MICU3: variants seen among roughly 807,000 people sequenced by gnomAD.
MICU3 encodes the protein mitochondrial calcium uptake 3.
Under a neutral mutation model 66.5 loss-of-function variants are expected in MICU3, and 62 were observed. The observed-to-expected ratio is 0.93, with a 90% CI of 0.76 to 1.15. The LOEUF (loss-of-function observed/expected upper bound fraction) is 1.15, where lower values mean the gene tolerates loss of function less well. MICU3 is among the 50% of genes most tolerant of loss of function. The pLI is 0.00. For synonymous variants in MICU3, 308 were observed against 240.7 expected (o/e 1.28, Z -2.59); for missense variants, 779 against 664.4 (o/e 1.17, Z -1.90).
Position 17,064,068 on chromosome 8 carries a change from G to C in MICU3, c.382-16G>C. Reference sequence around the variant, plus strand: ...TACTTCACATCATCCAAATGTATTTGCTTTCTTAACTTTAGGTTGCTATTG... The same window carrying C: ...TACTTCACATCATCCAAATGTATTTCCTTTCTTAACTTTAGGTTGCTATTG... On this transcript the variant is annotated splice_polypyrimidine_tract_variant and intron_variant, in intron 1 of 14. Coordinates refer to ENST00000318063, the MANE Select transcript of MICU3 (RefSeq NM_181723.3). 2 of 1,600,208 alleles carry C rather than the reference G, an allele frequency of 1.2e-6. No individual in the cohort carries two copies. Among genetic ancestry groups the C allele is most frequent in the Non-Finnish European group, 1.7e-6 (2 of 1,172,556 alleles).
downstream of MICU3, among the ~76,000 whole-genome samples, chr8:17,126,295 C>G (rs1487119745): frequency 6.6e-6 from 1 of 152,038 alleles, no homozygotes; most frequent in Non-Finnish European, 1.5e-5. Flanking sequence ...TTTAAGTTCT[C>G]TATGGTCTAT....
chr8:17,096,979 G>GTGTC (rs1312773946), intron 8 of MICU3, among the ~76,000 whole-genome samples: 1 of 151,154 alleles, frequency 6.6e-6, no homozygotes, highest in Non-Finnish European at 1.5e-5. Flanking sequence ...GTGTGTGTGT[G>GTGTC]TGTGTGTGTG....
chr8:17,125,947 T>G (rs1276615516), downstream of MICU3, among the ~76,000 whole-genome samples: 3 of 151,344 alleles, frequency 2.0e-5, no homozygotes, highest in African/African-American at 7.3e-5. Context: ...GGAGAATCAC[T>G]TGAACCTGGG....
chr8:17,048,674 G>C (rs976411182), intron 1 of MICU3, among the ~76,000 whole-genome samples: 1 of 152,230 alleles, frequency 6.6e-6, no homozygotes, highest in East Asian at 1.9e-4. Context: ...GGAGTATGGT[G>C]GTGTGATCAC....
intron 8 of MICU3, among the ~76,000 whole-genome samples, chr8:17,095,489 G>T (rs1800576554): frequency 6.6e-6 from 1 of 151,844 alleles, no homozygotes; most frequent in South Asian, 2.1e-4. Context: ...GTGTGTGTTT[G>T]TCTGTGTTTA....
intron 1 of MICU3, among the ~76,000 whole-genome samples, chr8:17,041,400 A>G (rs1166465632): frequency 6.6e-6 from 1 of 152,208 alleles, no homozygotes; most frequent in African/African-American, 2.4e-5. Context: ...CAAAGTGTGC[A>G]TTGGATTTAG....
At chr8:17,116,016 G>C (rs1436326824) in intron 12 of MICU3, among the ~76,000 whole-genome samples, 1 of 152,012 alleles carries the variant, frequency 6.6e-6, no homozygotes, top group Non-Finnish European at 1.5e-5. Context: ...CCTTCTCCCT[G>C]CTCCACACTA....
intron 1 of MICU3, among the ~76,000 whole-genome samples, chr8:17,048,187 T>G (rs1169562127): frequency 6.6e-6 from 1 of 152,208 alleles, no homozygotes; most frequent in African/African-American, 2.4e-5. Flanking sequence ...AAAATATTAC[T>G]ACATTTCACT....
Position 17,074,590 on chromosome 8 carries a change from CGTGTGTGTGT to C in MICU3, c.568-3158_568-3149del, listed in dbSNP as rs35861279. 2.3e-3 allele frequency among the ~76,000 whole-genome samples: 331 copies of C among 142,008 alleles called. 1 individual carries two copies. The highest frequency in any genetic ancestry group is 7.0e-3 in the African/African-American group (275 of 39,530). The allele number at this position is 142,008 out of a possible 152,430, so 93.2% of individuals were successfully genotyped here. A position where few individuals can be genotyped will look rare whatever the true frequency, so the allele number is the denominator to read the frequency against. ...GAATCAGACTAAAATGATGTTAAAA[CGTGTGTGTGT>C]GTGTGTGTGTGTGTGTGTGTGTGTG... is the stretch of plus-strand genomic sequence containing the variant. On this transcript the variant is annotated intron_variant, in intron 3 of 14. Coordinates refer to ENST00000318063, the MANE Select transcript of MICU3 (RefSeq NM_181723.3).
chr8:17,071,287 G>A (rs1563329341), intron 3 of MICU3, among the ~76,000 whole-genome samples: 1 of 152,078 alleles, frequency 6.6e-6, no homozygotes, highest in Non-Finnish European at 1.5e-5. Context: ...CGGTTCTGGG[G>A]GCTTGAAGTC....
chr8:17,066,716 T>G (rs1353449252), intron 2 of MICU3, among the ~76,000 whole-genome samples: 4 of 151,494 alleles, frequency 2.6e-5, no homozygotes, highest in African/African-American at 7.3e-5. Context: ...AGCTAATTTT[T>G]TAAATTTTTT....
At chr8:17,033,895 G>C (rs1297387338) in intron 1 of MICU3, among the ~76,000 whole-genome samples, 2 of 152,168 alleles carry the variant, frequency 1.3e-5, no homozygotes, top group African/African-American at 2.4e-5. Context: ...GGGGGTAGCA[G>C]GTGATCCAGA....
chr8:17,033,166 A>G (rs751163664), intron 1 of MICU3, among the ~76,000 whole-genome samples: 2 of 152,202 alleles, frequency 1.3e-5, no homozygotes, highest in Non-Finnish European at 2.9e-5. Context: ...TTTAAATCAA[A>G]AGCTAGAAAT....
In MICU3 at chr8:17,072,259, A is replaced by T. The variant is rs1031485445; in HGVS notation, c.567+2540A>T. Among the ~76,000 whole-genome samples, 4 of 152,300 alleles carry T rather than the reference A, an allele frequency of 2.6e-5. No homozygotes were observed. The East Asian group carries it at 7.7e-4, about 29-fold the overall frequency. ...AATCCAGAAACAGATCCAGGTATAT[A>T]TAGGTAGATCTGTAAATCAGTGGCA... is the stretch of plus-strand genomic sequence containing the variant. On this transcript the variant is annotated intron_variant, in intron 3 of 14. Coordinates refer to ENST00000318063, the MANE Select transcript of MICU3 (RefSeq NM_181723.3).
At chr8:17,067,508 C>G (rs1818901445) in intron 2 of MICU3, among the ~76,000 whole-genome samples, 1 of 152,132 alleles carries the variant, frequency 6.6e-6, no homozygotes, top group East Asian at 1.9e-4. Context: ...CAGCTCACTG[C>G]AACCTCCGCT....
chr8:17,128,870 GAAGCA>G, the MICU3 span, among the ~76,000 whole-genome samples: 240 of 152,310 alleles, frequency 1.6e-3, no homozygotes, highest in African/African-American at 5.5e-3. Context: ...GTGCAGAAAA[GAAGCA>G]CCAAAAATCT....
intron 7 of MICU3, among the ~76,000 whole-genome samples, chr8:17,087,457 G>A (rs1232306796): frequency 6.6e-6 from 1 of 151,952 alleles, no homozygotes; most frequent in Non-Finnish European, 1.5e-5. Flanking sequence ...ATTCTTAGAT[G>A]TATATATTAG....
chr8:17,088,287 A>G (rs537185973), intron 7 of MICU3, among the ~76,000 whole-genome samples: 20 of 151,984 alleles, frequency 1.3e-4, no homozygotes, highest in Non-Finnish European at 2.1e-4. Flanking sequence ...TTAGTCAAGT[A>G]TCAAAAGGGG....
At chr8:17,119,548 G>GATAGATAGATAGATAA (rs1554541236) in intron 14 of MICU3, among the ~76,000 whole-genome samples, 6 of 147,224 alleles carry the variant, frequency 4.1e-5, no homozygotes, top group African/African-American at 1.3e-4. Context: ...TAGATAGATA[G>GATAGATAGATAGATAA]ATAGATAGAT....
Sources: gnomAD v4.1 joint callset for allele counts (sites outside exome capture counted in the v4.1 genomes callset) on GRCh38, gnomAD v4.1.1 for gene constraint, MANE v1.5 for transcripts, NCBI Gene and HGNC (gene_info 2026-07-23, HGNC 2026-07-21) for gene names.